The following IMMP2L variants were observed in gnomAD, a reference collection of about 807,000 sequenced individuals.
The protein encoded by IMMP2L is inner mitochondrial membrane peptidase subunit 2.
IMMP2L carries 18 observed loss-of-function variants against 19.3 expected under a neutral mutation model. That is an observed-to-expected ratio of 0.93 (90% confidence interval 0.64 to 1.38). The LOEUF is 1.38. Among genes scored for constraint, IMMP2L ranks in the 40% most tolerant of loss-of-function variants. The pLI is 0.00. For missense variants in IMMP2L, 233 were observed against 218.2 expected (o/e 1.07, Z -0.43); for synonymous variants, 76 against 73.0 (o/e 1.04, Z -0.21).
chr7:110,963,570 A>T lies in IMMP2L; in HGVS notation c.240-5T>A, dbSNP rs1291831698. On this transcript the variant is annotated splice_region_variant and splice_polypyrimidine_tract_variant and intron_variant, in intron 3 of 5. Transcript: ENST00000405709. The stretch of plus-strand genomic sequence containing the variant: ...TGTTCTGGGTTTTTAGGAGACCTAG[A>T]ACAAGAAGATAACATTATACAATCA... 1 of 1,559,646 alleles carries T rather than the reference A, an allele frequency of 6.4e-7. No homozygotes were observed. Among genetic ancestry groups the T allele is most frequent in the Non-Finnish European group, 8.8e-7 (1 of 1,134,642 alleles).
chr7:111,318,670 C>A (rs1341363076), intron 3 of IMMP2L, among the ~76,000 whole-genome samples: 2 of 151,936 alleles, frequency 1.3e-5, no homozygotes, highest in Non-Finnish European at 2.9e-5. Flanking sequence ...GAAGACAGCA[C>A]TTTTTAAAGA....
intron 3 of IMMP2L, among the ~76,000 whole-genome samples, chr7:111,258,967 ATGGTATAGCCT>A (rs973157865): frequency 6.6e-6 from 1 of 152,106 alleles, no homozygotes; most frequent in African/African-American, 2.4e-5. Flanking sequence ...ACAAACCTAG[ATGGTATAGCCT>A]ACCACACATG....
chr7:110,760,844 C>T lies in IMMP2L; in HGVS notation c.409-97123G>A, dbSNP rs1214492949. 6.6e-6 allele frequency among the ~76,000 whole-genome samples: 1 copy of T among 152,204 alleles called. No individual in the cohort carries two copies. The highest frequency in any genetic ancestry group is 2.4e-5 in the African/African-American group (1 of 41,544). ...GATAGGATCATCACAGTAGGCACCTCACAAAGGTCATGCAGACCTTAGAGG... is the reference window on the plus strand; with the variant it reads ...GATAGGATCATCACAGTAGGCACCTTACAAAGGTCATGCAGACCTTAGAGG... On this transcript the variant is annotated intron_variant, in intron 5 of 5. Coordinates refer to ENST00000405709, the MANE Select transcript of IMMP2L (RefSeq NM_032549.4). The surrounding 1 kb of genome is among the most constrained non-coding windows in gnomAD (Gnocchi z 4.2).
At chr7:110,929,208 G>A (rs1815206375) in intron 4 of IMMP2L, among the ~76,000 whole-genome samples, 2 of 152,092 alleles carry the variant, frequency 1.3e-5, no homozygotes, top group Non-Finnish European at 2.9e-5. Context: ...AAATGTAGTA[G>A]GACAAAATCT....
chr7:111,361,591 A>T (rs1192785875), intron 3 of IMMP2L, among the ~76,000 whole-genome samples: 1 of 152,104 alleles, frequency 6.6e-6, no homozygotes, highest in Non-Finnish European at 1.5e-5. Context: ...TCAACAAAAC[A>T]TTTACTTGTT....
At chr7:111,372,992 C>A (rs1036399072) in intron 3 of IMMP2L, among the ~76,000 whole-genome samples, 8 of 151,748 alleles carry the variant, frequency 5.3e-5, no homozygotes, top group African/African-American at 1.9e-4. Context: ...GAGGAAGGAA[C>A]CTATAAAATT....
intron 3 of IMMP2L, among the ~76,000 whole-genome samples, chr7:111,433,705 T>C (rs1309063751): frequency 6.6e-6 from 1 of 151,748 alleles, no homozygotes; most frequent in African/African-American, 2.4e-5. Context: ...GATATTATAA[T>C]TCAAGGTGAG....
In IMMP2L at chr7:110,781,198, T is replaced by C. The variant is rs142914460; in HGVS notation, c.408+105395A>G. Among the ~76,000 whole-genome samples the C allele has an allele frequency of 4.8e-3, 734 of 152,034 alleles. 10 individuals carry two copies. Among genetic ancestry groups the C allele is most frequent in the African/African-American group, 0.016 (683 of 41,524 alleles). On this transcript the variant is annotated intron_variant, in intron 5 of 5. Transcript: ENST00000405709. The stretch of plus-strand genomic sequence containing the variant: ...ATATTTTTCAACAGTAATTAATTCA[T>C]CTTGTGGTATAAAAATCATCCATTT...
chr7:111,197,000 A>T (rs1398179384), intron 3 of IMMP2L, among the ~76,000 whole-genome samples: 1 of 152,162 alleles, frequency 6.6e-6, no homozygotes, highest in Non-Finnish European at 1.5e-5. Flanking sequence ...TCGTTTATGA[A>T]GTTTCCCTAA....
intron 3 of IMMP2L, among the ~76,000 whole-genome samples, chr7:111,484,387 A>G (rs1842447392): frequency 6.6e-6 from 1 of 152,200 alleles, no homozygotes; most frequent in African/African-American, 2.4e-5. Context: ...CACATTCTGA[A>G]TACATTGTCT....
chr7:111,539,455 T>C (rs1215921617), intron 1 of IMMP2L, among the ~76,000 whole-genome samples: 2 of 152,054 alleles, frequency 1.3e-5, no homozygotes, highest in Non-Finnish European at 2.9e-5. Context: ...TTTTTCCCAA[T>C]TAACAGCTGA....
rs1182189730 is a variant in IMMP2L at position 111,186,883 on chromosome 7, AC to A, written c.240-223319del. Among the ~76,000 whole-genome samples, 8 of 151,990 alleles carry A rather than the reference AC, an allele frequency of 5.3e-5. No individual in the cohort carries two copies. The East Asian group carries it at 1.5e-3, about 29-fold the overall frequency. On this transcript the variant is annotated intron_variant, in intron 3 of 5. Coordinates refer to ENST00000405709, the MANE Select transcript of IMMP2L (RefSeq NM_032549.4). ...GCAACACCAGGAAGAGGCCACATTT[AC>A]TTTTGAAAACTGTTTCCCTACAATT...
At chr7:110,786,208 A>G (rs1004455777) in intron 5 of IMMP2L, among the ~76,000 whole-genome samples, 2 of 152,020 alleles carry the variant, frequency 1.3e-5, no homozygotes, top group African/African-American at 4.8e-5. Context: ...TTATTTTTAT[A>G]ATAAGCTGTA....
intron 1 of IMMP2L, among the ~76,000 whole-genome samples, chr7:111,542,730 C>T (rs2132984737): frequency 6.6e-6 from 1 of 152,200 alleles, no homozygotes; most frequent in East Asian, 1.9e-4. Context: ...GGTAAATGTT[C>T]AAGTCTCATT....
intron 3 of IMMP2L, among the ~76,000 whole-genome samples, chr7:111,057,351 TA>T (rs1177499127): frequency 6.6e-6 from 1 of 152,134 alleles, no homozygotes; most frequent in Non-Finnish European, 1.5e-5. Context: ...AAGAAGACGA[TA>T]CTAAGTTGGT....
intron 5 of IMMP2L, among the ~76,000 whole-genome samples, chr7:110,752,974 T>C (rs986257957): frequency 3.9e-5 from 6 of 152,166 alleles, no homozygotes; most frequent in African/African-American, 1.4e-4. Context: ...AAGGAAAGAA[T>C]CTCATAGGTC....
chr7:110,977,280 C>A (rs1336733686), intron 3 of IMMP2L, among the ~76,000 whole-genome samples: 1 of 151,924 alleles, frequency 6.6e-6, no homozygotes, highest in Admixed American at 6.6e-5. Flanking sequence ...AGCTATATCA[C>A]CTTGAGCAAG....
chr7:111,337,416 C>A (rs1355129150), intron 3 of IMMP2L, among the ~76,000 whole-genome samples: 2 of 151,642 alleles, frequency 1.3e-5, no homozygotes, highest in African/African-American at 4.8e-5. Flanking sequence ...TTTGCAGTAT[C>A]TAACTGAAGG....
intron 3 of IMMP2L, among the ~76,000 whole-genome samples, chr7:111,308,024 A>T (rs2130190334): frequency 6.6e-6 from 1 of 152,094 alleles, no homozygotes; most frequent in South Asian, 2.1e-4. Context: ...AACTAAAACA[A>T]TTATAGTGAT....
Sources: allele counts gnomAD v4.1 joint callset (sites outside exome capture counted in the v4.1 genomes callset), GRCh38; gene constraint gnomAD v4.1.1; non-coding constraint Gnocchi (gnomAD v3.1); transcripts MANE v1.5; gene names NCBI Gene and HGNC (gene_info 2026-07-23, HGNC 2026-07-21).